Variants in EXTL2 observed in about 807,000 individuals in gnomAD.
EXTL2 encodes exostosin like glycosyltransferase 2.
EXTL2 carries 23 observed loss-of-function variants against 30.7 expected under a neutral mutation model. That is an observed-to-expected ratio of 0.75 (90% CI 0.54 to 1.06). The LOEUF is 1.06. Among genes scored for constraint, EXTL2 ranks in the 50% least tolerant of loss-of-function variants. The pLI, the probability that EXTL2 is intolerant of heterozygous loss-of-function variation, is 0.00. For synonymous variants in EXTL2, 123 were observed against 133.8 expected, an observed-to-expected ratio of 0.92 and a Z score of 0.56; for missense variants, 352 against 396.3, an observed-to-expected ratio of 0.89 and a Z score of 0.95.
At chr1:100,890,708 T>C (rs1265564740) in intron 1 of EXTL2, among the ~76,000 whole-genome samples, 2 of 152,220 alleles carry the variant, frequency 1.3e-5, no homozygotes, top group Non-Finnish European at 2.9e-5. Context: ...CTCATCTCCA[T>C]CTGAGACCAC....
chr1:100,875,230 G>GACAC (rs10547668), intron 4 of EXTL2, among the ~76,000 whole-genome samples: 27,095 of 149,276 alleles, frequency 0.18, 2,523 homozygotes, highest in Middle Eastern at 0.27. Flanking sequence ...CAGAACTAGG[G>GACAC]ACACACACAC....
intron 1 of EXTL2, among the ~76,000 whole-genome samples, chr1:100,892,628 T>G (rs1353033041): frequency 2.0e-5 from 3 of 152,202 alleles, no homozygotes; most frequent in Non-Finnish European, 4.4e-5. Flanking sequence ...AGAACTATCC[T>G]AGTTCTGTCC....
chr1:100,874,392 C>T lies in EXTL2; in HGVS notation c.543G>A (p.Lys181=). The T allele has an allele frequency of 6.2e-7, 1 of 1,605,446 alleles. No individual in the cohort carries two copies. Among genetic ancestry groups the T allele is most frequent in the Non-Finnish European group, 8.5e-7 (1 of 1,175,878 alleles). ...AGATACCTGATGAAGTAGAGACGTG[C>T]TTTCTAGGAACAAATCCTACAATTT... ...PDQIVGFVPR[K]HVSTSSGIYS... is the part of the protein sequence containing the mutation. Residue 181 remains lysine, a synonymous_variant, in exon 5 of 5, where the codon AAG becomes AAA. Coordinates refer to ENST00000370114, the MANE Select transcript of EXTL2 (RefSeq NM_001033025.3).
At chr1:100,894,282 A>G (rs974136127) in intron 1 of EXTL2, among the ~76,000 whole-genome samples, 10 of 152,156 alleles carry the variant, frequency 6.6e-5, no homozygotes, top group African/African-American at 2.4e-4. Context: ...GCAGTGCAGT[A>G]GAGTAAAATT....
At chr1:100,891,134 G>C (rs1650393636) in intron 1 of EXTL2, among the ~76,000 whole-genome samples, 3 of 152,156 alleles carry the variant, frequency 2.0e-5, no homozygotes, top group Admixed American at 2.0e-4. Flanking sequence ...TAAGAATAAA[G>C]AATATATCTA....
At chr1:100,887,774 G>A (rs903195187) in intron 2 of EXTL2, among the ~76,000 whole-genome samples, 4 of 151,960 alleles carry the variant, frequency 2.6e-5, no homozygotes, top group Non-Finnish European at 5.9e-5. Context: ...GCGCGATCCG[G>A]CTCACTGCAA....
At chr1:100,885,711 G>A (rs913551049) in intron 2 of EXTL2, 10 of 152,120 alleles carry the variant, frequency 6.6e-5, no homozygotes, top group Non-Finnish European at 1.5e-4. Flanking sequence ...ACAAGATTCG[G>A]GGAAGAGTTT....
intron 1 of EXTL2, among the ~76,000 whole-genome samples, 154 bp downstream of exon 1, chr1:100,894,479 C>T (rs1324400314): frequency 2.6e-5 from 4 of 152,268 alleles, no homozygotes; most frequent in African/African-American, 9.6e-5. Context: ...TAACATTTTT[C>T]AAAATTGTAG....
At chr1:100,890,194 C>T (rs1650310543) in intron 1 of EXTL2, among the ~76,000 whole-genome samples, 1 of 152,246 alleles carries the variant, frequency 6.6e-6, no homozygotes, top group Non-Finnish European at 1.5e-5. Flanking sequence ...GTATAAGCTG[C>T]CAAGGCTTGG....
rs1286538417 is a variant in EXTL2, at chr1:100,872,502, A to G, written c.*1440T>C. On this transcript the variant is annotated 3_prime_UTR_variant, in exon 5 of 5. Transcript: ENST00000370114. ...ATTATCGATTTTTAGTAAGATTCTT[A>G]GTTTCTTTGTTTTTGTTTTTTACAA... 1 of 152,396 alleles carries G rather than the reference A, an allele frequency of 6.6e-6. No homozygotes were observed. Among genetic ancestry groups the G allele is most frequent in the African/African-American group, 2.4e-5 (1 of 41,396 alleles). The allele number at this position is 152,396 out of a possible 1,614,324, so 9.4% of individuals were successfully genotyped here. A position where few individuals can be genotyped will look rare whatever the true frequency, so the allele number is the denominator to read the frequency against.
In EXTL2 at chr1:100,873,028, T is replaced by C. The variant is rs1482916400; in HGVS notation, c.*914A>G. On this transcript the variant is annotated 3_prime_UTR_variant, in exon 5 of 5. Coordinates refer to ENST00000370114, the MANE Select transcript of EXTL2 (RefSeq NM_001033025.3). ...TTTTTAGTATCCAGAAGATAACCAGTGCTCTACCAATAAAGATCTTTTGAT... is the reference window on the plus strand; with the variant it reads ...TTTTTAGTATCCAGAAGATAACCAGCGCTCTACCAATAAAGATCTTTTGAT... 6.6e-6 allele frequency: 1 copy of C among 152,094 alleles called. No individual in the cohort carries two copies. The highest frequency in any genetic ancestry group is 2.4e-5 in the African/African-American group (1 of 41,448). The allele number at this position is 152,094 out of a possible 1,614,324, so 9.4% of individuals were successfully genotyped here.
intron 2 of EXTL2, chr1:100,886,047 C>T (rs1337409541): frequency 1.3e-5 from 2 of 152,156 alleles, no homozygotes; most frequent in Non-Finnish European, 2.9e-5. Flanking sequence ...TGTTTATGGC[C>T]AATTACAGTG....
rs746597524 is a variant in EXTL2 at position 100,877,677 on chromosome 1, G to C, written c.232C>G (p.Leu78Val). ...LIMQTYNRTD[L>V]LLKLLNHYQA... ...TAATGATTTAAAAGTTTCAATAAGA[G>C]ATCTGTTCTGTTGTACGTCTGCATT... Residue 78 changes from leucine (L) to valine (V), a missense_variant, in exon 3 of 5, where the codon CTC becomes GTC. Leu to Val is a conservative substitution (Grantham distance 32). Transcript: ENST00000370114. This position sits in a 1 kb window ranked among gnomAD's most constrained non-coding sequence, Gnocchi z 4.1. The C allele has an allele frequency of 6.2e-7, 1 of 1,613,604 alleles. No individual in the cohort carries two copies. Among genetic ancestry groups the C allele is most frequent in the Non-Finnish European group, 8.5e-7 (1 of 1,179,692 alleles).
chr1:100,884,123 T>C (rs904468594), intron 2 of EXTL2, among the ~76,000 whole-genome samples: 1 of 152,218 alleles, frequency 6.6e-6, no homozygotes, highest in African/African-American at 2.4e-5. Flanking sequence ...GTGCACAGCA[T>C]GAACAAAGAT....
chr1:100,888,112 T>C (rs1570472907), intron 2 of EXTL2, among the ~76,000 whole-genome samples: 1 of 152,244 alleles, frequency 6.6e-6, no homozygotes, highest in African/African-American at 2.4e-5. Context: ...TGGAATACTA[T>C]TTCAATGGAC....
chr1:100,878,304 C>T, intron 2 of EXTL2: 1 of 406,156 alleles, frequency 2.5e-6, no homozygotes. Context: ...TCATACAGAG[C>T]CATAATACAT....
chr1:100,880,290 A>C (rs911376676), intron 2 of EXTL2, among the ~76,000 whole-genome samples: 20 of 152,286 alleles, frequency 1.3e-4, no homozygotes, highest in African/African-American at 4.6e-4. Context: ...GATCATTGTC[A>C]TTCAGCAGCT....
At position 100,877,680 on chromosome 1, in the gene EXTL2, C is replaced by G; in HGVS notation, c.229G>C (p.Asp77His). The change falls in exon 3 of 5, where the codon GAT becomes CAT. Residue 77 changes from aspartate to histidine, a missense_variant. Coordinates refer to ENST00000370114, the MANE Select transcript of EXTL2 (RefSeq NM_001033025.3). The surrounding 1 kb of genome is among the most constrained non-coding windows in gnomAD (Gnocchi z 4.1). ...TLIMQTYNRT[D>H]LLLKLLNHYQ... ...TGATTTAAAAGTTTCAATAAGAGATCTGTTCTGTTGTACGTCTGCATTATG... is the reference window on the plus strand; with the variant it reads ...TGATTTAAAAGTTTCAATAAGAGATGTGTTCTGTTGTACGTCTGCATTATG... 6.2e-7 allele frequency: 1 copy of G among 1,613,604 alleles called. No individual in the cohort carries two copies. Among genetic ancestry groups the G allele is most frequent in the Non-Finnish European group, 8.5e-7 (1 of 1,179,696 alleles).
At chr1:100,878,570 A>G (rs901592142) in intron 2 of EXTL2, 9 of 427,918 alleles carry the variant, frequency 2.1e-5, no homozygotes, top group Non-Finnish European at 3.8e-5. Flanking sequence ...GCGGGTATGA[A>G]GAGAATCTGT....
Sources: gnomAD v4.1 joint callset for allele counts (sites outside exome capture counted in the v4.1 genomes callset) on GRCh38, gnomAD v4.1.1 for gene constraint, Gnocchi (gnomAD v3.1) non-coding constraint, MANE v1.5 for transcripts, NCBI Gene and HGNC (gene_info 2026-07-23, HGNC 2026-07-21) for gene names.